DCDC2: variants seen among roughly 807,000 people sequenced by gnomAD.
DCDC2 encodes the protein doublecortin domain-containing protein 2.
Under a neutral mutation model 50.2 loss-of-function variants are expected in DCDC2, and 40 were observed. The ratio of observed to expected loss-of-function variants is 0.80; its 90% confidence interval spans 0.62 to 1.04. The LOEUF is 1.04. DCDC2 is among the 50% of genes least tolerant of loss of function. The probability of loss-of-function intolerance (pLI) is 0.00; values close to 1 mark genes in which losing one functional copy is unlikely to be tolerated. For missense variants in DCDC2, 570 were observed against 581.9 expected (o/e 0.98, Z 0.21); for synonymous variants, 234 against 210.6 (o/e 1.11, Z -0.96).
chr6:24,259,239 A>T (rs1302196888), intron 7 of DCDC2, among the ~76,000 whole-genome samples: 5 of 152,224 alleles, frequency 3.3e-5, no homozygotes, highest in Admixed American at 3.3e-4. Context: ...GTAGTCAGAA[A>T]TATGGGCCTT....
At chr6:24,236,851 A>G (rs1762450237) in intron 7 of DCDC2, among the ~76,000 whole-genome samples, 1 of 152,120 alleles carries the variant, frequency 6.6e-6, no homozygotes, top group Non-Finnish European at 1.5e-5. Context: ...CTCTACTAAA[A>G]ATATAAAAAT....
chr6:24,374,771 TCTGA>T, the DCDC2 span, among the ~76,000 whole-genome samples: 1 of 152,074 alleles, frequency 6.6e-6, no homozygotes, highest in Non-Finnish European at 1.5e-5. Flanking sequence ...ATAGCGGGTC[TCTGA>T]CTGAGACGCA....
At chr6:24,241,907 C>T (rs911452304) in intron 7 of DCDC2, among the ~76,000 whole-genome samples, 1 of 152,212 alleles carries the variant, frequency 6.6e-6, no homozygotes, top group Non-Finnish European at 1.5e-5. Flanking sequence ...TGTCGTGGCT[C>T]ATGCCTATAA....
intron 2 of DCDC2, among the ~76,000 whole-genome samples, chr6:24,324,013 A>T (rs545344423): frequency 5.1e-4 from 77 of 152,306 alleles, no homozygotes; most frequent in Non-Finnish European, 8.4e-4. Context: ...CTTTTTTCAC[A>T]TACCAAGCTT....
chr6:24,343,400 A>G (rs1561782016), intron 2 of DCDC2, among the ~76,000 whole-genome samples: 2 of 152,236 alleles, frequency 1.3e-5, no homozygotes, highest in Non-Finnish European at 2.9e-5. Context: ...TTCAATAAAA[A>G]GTTGAATACA....
intron 7 of DCDC2, among the ~76,000 whole-genome samples, chr6:24,220,853 G>GGAGAGAGAGAGC (rs1762081716): frequency 1.3e-4 from 4 of 31,306 alleles, no homozygotes; most frequent in Non-Finnish European, 2.4e-4. Flanking sequence ...CATGGCGGCA[G>GGAGAGAGAGAGC]GAGAGAGACA....
intron 2 of DCDC2, among the ~76,000 whole-genome samples, chr6:24,316,381 A>G (rs762365033): frequency 6.6e-6 from 1 of 152,178 alleles, no homozygotes; most frequent in Non-Finnish European, 1.5e-5. Context: ...GGGAGGTAGG[A>G]GAGTGCAATG....
chr6:24,188,888 T>C (rs1761258214), intron 8 of DCDC2, among the ~76,000 whole-genome samples: 1 of 152,130 alleles, frequency 6.6e-6, no homozygotes, highest in Non-Finnish European at 1.5e-5. Flanking sequence ...TCACAGCCTC[T>C]CTGGCACGCA....
Position 24,278,930 on chromosome 6 carries a change from C to T in DCDC2, c.760-719G>A, listed in dbSNP as rs2113820305. ...ACTCAAGAGGCTCACGACCACATGT[C>T]CCCACTTGTTCCTGAGGGAGCTGCG... On this transcript the variant is annotated intron_variant, in intron 6 of 9. Transcript: ENST00000378454. Among the ~76,000 whole-genome samples, 3 of 152,290 alleles carry T rather than the reference C, an allele frequency of 2.0e-5. No individual in the cohort carries two copies. In the South Asian group the frequency reaches 6.2e-4, roughly 32 times the overall value.
chr6:24,284,225 A>G (rs983653055), intron 6 of DCDC2, among the ~76,000 whole-genome samples: 22 of 152,132 alleles, frequency 1.4e-4, no homozygotes, highest in Non-Finnish European at 3.1e-4. Flanking sequence ...CACCTATATC[A>G]CATACCTGTA....
rs540482819 is a variant in DCDC2 at position 24,287,766 on chromosome 6, C to T, written c.759+1086G>A. ...TTCAACTTCCTCTGTGGACTGCTGC[C>T]ATTGTACATTCAGTCCTTCCCTCCC... On this transcript the variant is annotated intron_variant, in intron 6 of 9. Transcript: ENST00000378454. 4.9e-4 allele frequency among the ~76,000 whole-genome samples: 75 copies of T among 152,326 alleles called. 2 individuals carry two copies. The highest frequency in any genetic ancestry group is 1.3e-3 in the African/African-American group (56 of 41,578).
intron 7 of DCDC2, among the ~76,000 whole-genome samples, chr6:24,255,655 C>T (rs551755648): frequency 6.6e-6 from 1 of 152,224 alleles, no homozygotes; most frequent in South Asian, 2.1e-4. Context: ...TACTAAAAAG[C>T]ACCTCGGAAT....
chr6:24,181,161 C>A (rs1274050846), intron 8 of DCDC2, among the ~76,000 whole-genome samples: 1 of 152,146 alleles, frequency 6.6e-6, no homozygotes, highest in Non-Finnish European at 1.5e-5. Context: ...GGGTCCCTCA[C>A]AAAGGCAGAA....
chr6:24,301,370 C>CA (rs59055669), intron 4 of DCDC2, among the ~76,000 whole-genome samples: 48,266 of 64,330 alleles, frequency 0.75, 19,378 homozygotes, highest in South Asian at 0.87. Flanking sequence ...GGCTCCATCT[C>CA]AAAAAAAAAA....
At chr6:24,358,950 AT>A (rs1561788653), upstream of DCDC2, among the ~76,000 whole-genome samples, 1 of 62,506 alleles carries the variant, frequency 1.6e-5, no homozygotes, top group East Asian at 4.6e-4. Flanking sequence ...TATATTATAT[AT>A]TATATATTAT....
intron 2 of DCDC2, among the ~76,000 whole-genome samples, chr6:24,321,279 A>G (rs926671345): frequency 6.6e-6 from 1 of 152,198 alleles, no homozygotes; most frequent in Non-Finnish European, 1.5e-5. Context: ...GGATGCTAAA[A>G]TTTGTGGGTG....
chr6:24,266,488 C>T (rs1241846550), intron 7 of DCDC2, among the ~76,000 whole-genome samples: 1 of 152,070 alleles, frequency 6.6e-6, no homozygotes, highest in Non-Finnish European at 1.5e-5. Flanking sequence ...ATCTAATACT[C>T]TAATTTAAAA....
chr6:24,369,419 G>A, the DCDC2 span, among the ~76,000 whole-genome samples: 1 of 152,046 alleles, frequency 6.6e-6, no homozygotes, highest in Non-Finnish European at 1.5e-5. Flanking sequence ...GACCAGCCTG[G>A]CCAACATGGT....
chr6:24,288,502 TC>T (rs1388417656), intron 6 of DCDC2, among the ~76,000 whole-genome samples: 9 of 152,354 alleles, frequency 5.9e-5, no homozygotes, highest in South Asian at 4.1e-4. Context: ...CAGCGAAACT[TC>T]CCTTTTAGTC....
Sources: gnomAD v4.1 joint callset for allele counts (sites outside exome capture counted in the v4.1 genomes callset) on GRCh38, gnomAD v4.1.1 for gene constraint, MANE v1.5 for transcripts, NCBI Gene and HGNC (gene_info 2026-07-23, HGNC 2026-07-21) for gene names.